RBFOX1: variants seen among roughly 807,000 people sequenced by gnomAD.
RBFOX1 encodes the protein RNA binding protein fox-1 homolog 1.
Under a neutral mutation model 57.7 loss-of-function variants are expected in RBFOX1, and 8 were observed. The observed-to-expected ratio is 0.14, with a 90% CI of 0.08 to 0.25. The LOEUF is 0.25. RBFOX1 is among the 10% of genes least tolerant of loss of function. The pLI is 1.00. For missense variants in RBFOX1, 611 were observed against 548.5 expected (o/e 1.11, Z -1.14); for synonymous variants, 326 against 222.4 (o/e 1.47, Z -4.15).
chr16:6,705,533 C>T (rs892288342), intron 3 of RBFOX1: 1 of 152,142 alleles, frequency 6.6e-6, no homozygotes, highest in Non-Finnish European at 1.5e-5. Flanking sequence ...ACCCAGATCT[C>T]AGTTTCTAAT....
intron 3 of RBFOX1, among the ~76,000 whole-genome samples, chr16:7,039,919 A>G (rs1232786407): frequency 6.6e-6 from 1 of 152,034 alleles, no homozygotes; most frequent in South Asian, 2.1e-4. Context: ...AAAAATACTT[A>G]TGTCCCTGCA....
intron 4 of RBFOX1, among the ~76,000 whole-genome samples, chr16:7,331,913 A>G (rs971734867): frequency 1.3e-5 from 2 of 152,202 alleles, no homozygotes; most frequent in African/African-American, 4.8e-5. Context: ...CAAACACCAG[A>G]AAGATTTCAA....
intron 1 of RBFOX1, among the ~76,000 whole-genome samples, chr16:5,296,475 T>C (rs1440832334): frequency 1.3e-5 from 2 of 152,198 alleles, no homozygotes; most frequent in African/African-American, 4.8e-5. Context: ...GGCCAGATAC[T>C]GTGCTTTGTT....
intron 5 of RBFOX1, among the ~76,000 whole-genome samples, chr16:7,534,385 G>A (rs12928741): frequency 0.53 from 81,204 of 151,840 alleles, 26,361 homozygotes; most frequent in Non-Finnish European, 0.74. Flanking sequence ...GAACCACAGT[G>A]CACGGCCACC....
intron 12 of RBFOX1, among the ~76,000 whole-genome samples, chr16:7,657,340 T>C (rs904685403): frequency 1.1e-4 from 16 of 152,222 alleles, no homozygotes; most frequent in African/African-American, 3.9e-4. Flanking sequence ...AGTCTTACTC[T>C]GTCACCCAGG....
At chr16:6,108,490 T>C (rs1434220356) in intron 1 of RBFOX1, among the ~76,000 whole-genome samples, 2 of 152,216 alleles carry the variant, frequency 1.3e-5, no homozygotes, top group Non-Finnish European at 2.9e-5. Flanking sequence ...TGTGCTATTA[T>C]GTGGCATTAT....
intron 1 of RBFOX1, among the ~76,000 whole-genome samples, chr16:5,249,465 G>A (rs925347711): frequency 2.6e-5 from 4 of 152,186 alleles, no homozygotes; most frequent in African/African-American, 4.8e-5. Context: ...GGACGTGCAC[G>A]GCCCTCTTGA....
Position 7,541,131 on chromosome 16 carries a change from T to C in RBFOX1, c.270+22742T>C, listed in dbSNP as rs1194048800. ...CGCTGCTTTTCGCCCCTGACTGCTG[T>C]ATGTACCTTGAGCAGCAAGATAATT... On this transcript the variant is annotated intron_variant, in intron 5 of 15. Transcript: ENST00000550418. Among the ~76,000 whole-genome samples, 3 of 152,236 alleles carry C rather than the reference T, an allele frequency of 2.0e-5. No individual in the cohort carries two copies. The East Asian group carries it at 5.8e-4, about 29-fold the overall frequency.
chr16:5,839,083 A>C (rs1443051050), intron 3 of RBFOX1, among the ~76,000 whole-genome samples: 1 of 152,228 alleles, frequency 6.6e-6, no homozygotes, highest in East Asian at 1.9e-4. Context: ...GAGAACACCT[A>C]CAGCAAAGAA....
chr16:6,230,379 A>G (rs1179364915), intron 1 of RBFOX1, among the ~76,000 whole-genome samples: 1 of 152,178 alleles, frequency 6.6e-6, no homozygotes, highest in African/African-American at 2.4e-5. Context: ...ACATGAGAGA[A>G]TTGGGGCTTT....
intron 1 of RBFOX1, among the ~76,000 whole-genome samples, chr16:5,321,210 A>C (rs180934924): frequency 1.4e-4 from 22 of 152,288 alleles, no homozygotes; most frequent in Admixed American, 8.5e-4. Flanking sequence ...CAGTAATACC[A>C]CCAACTAAAA....
intron 3 of RBFOX1, among the ~76,000 whole-genome samples, chr16:6,969,330 A>G (rs1471787797): frequency 6.6e-6 from 1 of 152,080 alleles, no homozygotes; most frequent in Non-Finnish European, 1.5e-5. Flanking sequence ...ATTAGGGTGC[A>G]TTGAGGGAGG....
At chr16:7,677,226 A>C (rs1224435351) in intron 14 of RBFOX1, among the ~76,000 whole-genome samples, 1 of 151,796 alleles carries the variant, frequency 6.6e-6, no homozygotes, top group Non-Finnish European at 1.5e-5. Flanking sequence ...GAAGAAAAAC[A>C]GACCATGATC....
At chr16:6,932,193 T>C (rs2076672204) in intron 3 of RBFOX1, among the ~76,000 whole-genome samples, 1 of 152,088 alleles carries the variant, frequency 6.6e-6, no homozygotes, top group African/African-American at 2.4e-5. Context: ...AACCTCCACC[T>C]CCTGTGCTTG....
At chr16:5,668,697 T>C (rs930594605) in intron 3 of RBFOX1, among the ~76,000 whole-genome samples, 3 of 152,184 alleles carry the variant, frequency 2.0e-5, no homozygotes, top group African/African-American at 7.2e-5. Context: ...GATGTCTCTG[T>C]ATGTGACAAG....
chr16:6,500,130 C>A (rs2095870804), intron 2 of RBFOX1, among the ~76,000 whole-genome samples: 2 of 152,160 alleles, frequency 1.3e-5, no homozygotes, highest in Non-Finnish European at 2.9e-5. Flanking sequence ...AGTCTGCATG[C>A]TGACACATTT....
chr16:7,060,698 G>A (rs531717323), intron 4 of RBFOX1, among the ~76,000 whole-genome samples: 44 of 152,186 alleles, frequency 2.9e-4, no homozygotes, highest in African/African-American at 9.9e-4. Context: ...AGTAATTTCT[G>A]GGACTCCCCA....
chr16:6,019,753 C>T lies in RBFOX1; in HGVS notation c.-366C>T. The T allele has an allele frequency of 2.9e-6, 4 of 1,389,484 alleles. No individual in the cohort carries two copies. Among genetic ancestry groups the T allele is most frequent in the East Asian group, 5.5e-5 (2 of 36,194 alleles). The allele number at this position is 1,389,484 out of a possible 1,614,324, so 86.1% of individuals were successfully genotyped here. ...CCCGGGATTGAGAGTCCTTGCGCTC[C>T]AGACCCCCACCCAGTGGCCGCCAGG... is the stretch of plus-strand genomic sequence containing the variant. On this transcript the variant is annotated 5_prime_UTR_variant, in exon 1 of 16. Coordinates refer to ENST00000550418, the MANE Select transcript of RBFOX1 (RefSeq NM_018723.4). The surrounding 1 kb of genome is among the most constrained non-coding windows in gnomAD (Gnocchi z 4.2).
intron 5 of RBFOX1, among the ~76,000 whole-genome samples, chr16:7,545,791 C>T (rs1285046445): frequency 6.6e-6 from 1 of 152,102 alleles, no homozygotes; most frequent in African/African-American, 2.4e-5. Flanking sequence ...TCTTGGGTCT[C>T]AGCTCTGCCA....
Sources: allele counts gnomAD v4.1 joint callset (sites outside exome capture counted in the v4.1 genomes callset), GRCh38; gene constraint gnomAD v4.1.1; non-coding constraint Gnocchi (gnomAD v3.1); transcripts MANE v1.5; gene names NCBI Gene and HGNC (gene_info 2026-07-23, HGNC 2026-07-21).